CDH13: variants seen among roughly 807,000 people sequenced by gnomAD.
CDH13 encodes cadherin 13, also known as cadherin-13.
CDH13 carries 24 observed loss-of-function variants against 63.8 expected under a neutral mutation model. The ratio of observed to expected loss-of-function variants is 0.38; its 90% CI spans 0.27 to 0.53. The LOEUF (loss-of-function observed/expected upper bound fraction) is 0.53. Among genes scored for constraint, CDH13 ranks in the 20% least tolerant of loss-of-function variants. The pLI, the probability that CDH13 is intolerant of heterozygous loss-of-function variation, is 0.85. For synonymous variants in CDH13, 503 were observed against 355.3 expected (o/e 1.42, Z -4.67); for missense variants, 1,049 against 903.1 (o/e 1.16, Z -2.07).
chr16:82,763,429 C>A (rs2034930503), intron 1 of CDH13, among the ~76,000 whole-genome samples: 1 of 152,158 alleles, frequency 6.6e-6, no homozygotes, highest in Non-Finnish European at 1.5e-5. Flanking sequence ...AATTCCTAAT[C>A]CTGGCAGAGC....
intron 6 of CDH13, among the ~76,000 whole-genome samples, chr16:83,375,795 A>T (rs1027542599): frequency 6.6e-6 from 1 of 152,134 alleles, no homozygotes; most frequent in Non-Finnish European, 1.5e-5. Flanking sequence ...GTATACAAAG[A>T]CCTGAAAGAG....
chr16:83,010,458 A>G (rs1447145138), intron 2 of CDH13, among the ~76,000 whole-genome samples: 1 of 152,114 alleles, frequency 6.6e-6, no homozygotes, highest in Non-Finnish European at 1.5e-5. Flanking sequence ...AAGAGTATAA[A>G]CCATAGGTAA....
At chr16:83,334,622 C>T (rs575664638) in intron 5 of CDH13, among the ~76,000 whole-genome samples, 10 of 152,152 alleles carry the variant, frequency 6.6e-5, no homozygotes, top group African/African-American at 1.9e-4. Flanking sequence ...TCATTCCTCC[C>T]GCCTTAGCCC....
chr16:83,524,889 CAT>C (rs2074924959), intron 7 of CDH13, among the ~76,000 whole-genome samples: 1 of 152,272 alleles, frequency 6.6e-6, no homozygotes, highest in Admixed American at 6.5e-5. Context: ...GAGAAGAAAT[CAT>C]ATGAGTGGGT....
intron 8 of CDH13, among the ~76,000 whole-genome samples, chr16:83,656,264 C>G (rs948299444): frequency 3.9e-5 from 6 of 152,120 alleles, no homozygotes; most frequent in Non-Finnish European, 7.3e-5. Context: ...GCATTTTCAG[C>G]CTTCACAACA....
At chr16:82,681,301 T>G (rs1914517813) in intron 1 of CDH13, among the ~76,000 whole-genome samples, 1 of 152,134 alleles carries the variant, frequency 6.6e-6, no homozygotes, top group African/African-American at 2.4e-5. Context: ...AATAGGCAAT[T>G]CCATGGACAC....
chr16:82,919,470 C>G (rs887073261), intron 2 of CDH13, among the ~76,000 whole-genome samples: 4 of 152,132 alleles, frequency 2.6e-5, no homozygotes, highest in African/African-American at 9.7e-5. Flanking sequence ...ATTTGGTTTT[C>G]TGTTCTTGTG....
In CDH13 at chr16:83,178,221, G is replaced by A. The variant is rs1034039589; in HGVS notation, c.484-39124G>A. On this transcript the variant is annotated intron_variant, in intron 4 of 13. Coordinates refer to ENST00000567109, the MANE Select transcript of CDH13 (RefSeq NM_001257.5). ...GCAGATAATTATGTTGTGGGAGGCCGTCCTGTGCTTATAAAAGGATGTTTA... is the reference window on the plus strand; with the variant it reads ...GCAGATAATTATGTTGTGGGAGGCCATCCTGTGCTTATAAAAGGATGTTTA... Among the ~76,000 whole-genome samples the A allele has an allele frequency of 9.2e-5, 14 of 152,106 alleles. 1 individual carries two copies. The highest frequency in any genetic ancestry group is 5.8e-4 in the East Asian group (3 of 5,184).
intron 5 of CDH13, among the ~76,000 whole-genome samples, chr16:83,326,813 G>A (rs933160536): frequency 1.3e-5 from 2 of 152,172 alleles, no homozygotes; most frequent in African/African-American, 4.8e-5. Context: ...CTATAACAAA[G>A]CCAAATGCTG....
intron 6 of CDH13, among the ~76,000 whole-genome samples, chr16:83,467,445 C>T (rs2151533827): frequency 6.6e-6 from 1 of 152,190 alleles, no homozygotes; most frequent in South Asian, 2.1e-4. Context: ...AACATAGATG[C>T]CTGGAGTGCA....
intron 3 of CDH13, among the ~76,000 whole-genome samples, chr16:83,066,218 T>G (rs992899274): frequency 6.6e-6 from 1 of 152,226 alleles, no homozygotes; most frequent in Non-Finnish European, 1.5e-5. Flanking sequence ...TGATGAGTTC[T>G]TCTCAACAAG....
Position 82,837,834 on chromosome 16 carries a change from A to C in CDH13, c.46-20528A>C, listed in dbSNP as rs1318059074. On this transcript the variant is annotated intron_variant, in intron 1 of 13. Coordinates refer to ENST00000567109, the MANE Select transcript of CDH13 (RefSeq NM_001257.5). ...CATAAACCGAATAGTTCATACAAAC[A>C]TGAGGCACTTGGAGCCACTCTTACC... is the stretch of plus-strand genomic sequence containing the variant. Among the ~76,000 whole-genome samples, 3 of 152,338 alleles carry C rather than the reference A, an allele frequency of 2.0e-5. No homozygotes were observed. The East Asian group carries it at 5.8e-4, about 29-fold the overall frequency.
intron 5 of CDH13, among the ~76,000 whole-genome samples, chr16:83,245,629 C>G (rs1316807555): frequency 6.6e-6 from 1 of 152,210 alleles, no homozygotes; most frequent in Non-Finnish European, 1.5e-5. Flanking sequence ...CAAATTGTTT[C>G]TCAATGCAGT....
rs577566309 is a variant in CDH13, at chr16:82,694,204, T to A, written c.45+67067T>A. 2.0e-5 allele frequency among the ~76,000 whole-genome samples: 3 copies of A among 152,344 alleles called. No homozygotes were observed. The South Asian group carries it at 6.2e-4, about 32-fold the overall frequency. On this transcript the variant is annotated intron_variant, in intron 1 of 13. Transcript: ENST00000567109. ...TGACAACTACCAGATATGGATACTT[T>A]TATAGAAGAGTATCCATAGGAAATG...
chr16:83,382,418 A>G (rs1381018713), intron 6 of CDH13, among the ~76,000 whole-genome samples: 1 of 152,182 alleles, frequency 6.6e-6, no homozygotes, highest in African/African-American at 2.4e-5. Context: ...AACAGAACAA[A>G]GAACTTCCAT....
intron 1 of CDH13, among the ~76,000 whole-genome samples, chr16:82,845,832 A>C (rs1028328821): frequency 4.6e-5 from 7 of 152,220 alleles, no homozygotes; most frequent in Non-Finnish European, 1.0e-4. Context: ...GGTTTCTCCT[A>C]AGGGCCAGCC....
chr16:83,478,675 T>C (rs368288647), intron 6 of CDH13, among the ~76,000 whole-genome samples: 2 of 152,046 alleles, frequency 1.3e-5, no homozygotes, highest in Admixed American at 6.5e-5. Flanking sequence ...TTCTTCTCTT[T>C]TCCCCAAAAT....
At chr16:83,259,794 G>A (rs2151834290) in intron 5 of CDH13, among the ~76,000 whole-genome samples, 1 of 152,202 alleles carries the variant, frequency 6.6e-6, no homozygotes, top group South Asian at 2.1e-4. Flanking sequence ...AGGCAAAGAG[G>A]TATCCATGGC....
chr16:83,478,272 C>T (rs2073663553), intron 6 of CDH13, among the ~76,000 whole-genome samples: 1 of 152,092 alleles, frequency 6.6e-6, no homozygotes, highest in African/African-American at 2.4e-5. Context: ...GCACACGCTC[C>T]AGTTTGCCAC....
Sources: gnomAD v4.1 joint callset for allele counts (sites outside exome capture counted in the v4.1 genomes callset) on GRCh38, gnomAD v4.1.1 for gene constraint, MANE v1.5 for transcripts, NCBI Gene and HGNC (gene_info 2026-07-23, HGNC 2026-07-21) for gene names.